Variants in MYOT observed in about 807,000 individuals in gnomAD.
The protein encoded by MYOT is 57 kDa cytoskeletal protein.
MYOT carries 36 observed loss-of-function variants against 58.0 expected under a neutral mutation model. The observed-to-expected ratio is 0.62, with a 90% CI of 0.48 to 0.82. The LOEUF (loss-of-function observed/expected upper bound fraction) is 0.82, where lower values mean the gene tolerates loss of function less well. MYOT is among the 40% of genes least tolerant of loss of function. The pLI, the probability that MYOT is intolerant of heterozygous loss-of-function variation, is 0.00. For missense variants in MYOT, 505 were observed against 592.1 expected (o/e 0.85, Z 1.53); for synonymous variants, 218 against 204.6 (o/e 1.07, Z -0.56).
intron 2 of MYOT, among the ~76,000 whole-genome samples, chr5:137,872,007 T>C (rs1157342978): frequency 6.6e-6 from 1 of 152,170 alleles, no homozygotes; most frequent in East Asian, 1.9e-4. Context: ...CTCCTATTAT[T>C]GGTGACAACT....
Position 137,886,062 on chromosome 5 carries a change from A to G in MYOT, c.1039A>G (p.Arg347Gly). 2 of 1,597,058 alleles carry G rather than the reference A, an allele frequency of 1.3e-6. No individual in the cohort carries two copies. The highest frequency in any genetic ancestry group is 1.7e-6 in the Non-Finnish European group (2 of 1,165,740). ...QLDVLAKEHK[R>G]APMFIYKPQS... is the part of the protein sequence containing the mutation. ...TTAATATATAGCAAAAGAACATAAAAGAGCACCAATGTTTATCTACAAACC... is the reference window on the plus strand; with the variant it reads ...TTAATATATAGCAAAAGAACATAAAGGAGCACCAATGTTTATCTACAAACC... The change falls in exon 8 of 10, where the codon AGA (arginine) becomes GGA (glycine). Residue 347 changes from arginine (R) to glycine (G), a missense_variant. Physicochemically the swap from Arg to Gly is moderately radical, Grantham distance 125. Coordinates refer to ENST00000239926, the MANE Select transcript of MYOT (RefSeq NM_006790.3).
intron 6 of MYOT, among the ~76,000 whole-genome samples, chr5:137,882,457 T>TA (rs1742632224): frequency 6.6e-6 from 1 of 152,098 alleles, no homozygotes; most frequent in Non-Finnish European, 1.5e-5. Flanking sequence ...ATGCCCTTTT[T>TA]TTTTTTTTTG....
At position 137,870,732 on chromosome 5, in the gene MYOT, A is replaced by G; in HGVS notation, c.81A>G (p.Glu27=). ...CGSRLQPPGP[E]TSSFSSQTKQ... ...CCAGATTGCAGCCTCCTGGACCAGA[A>G]ACCTCCAGCTTCTCTAGCCAGACCA... The change falls in exon 2 of 10, where the codon GAA becomes GAG. Residue 27 remains glutamate, a synonymous_variant. Coordinates refer to ENST00000239926, the MANE Select transcript of MYOT (RefSeq NM_006790.3). 1 of 1,614,204 alleles carries G rather than the reference A, an allele frequency of 6.2e-7. No individual in the cohort carries two copies. The highest frequency in any genetic ancestry group is 8.5e-7 in the Non-Finnish European group (1 of 1,180,030).
chr5:137,881,615 A>G (rs1347980961), intron 5 of MYOT, among the ~76,000 whole-genome samples: 4 of 152,204 alleles, frequency 2.6e-5, no homozygotes, highest in African/African-American at 9.6e-5. Context: ...TATAACTGAA[A>G]TACCACATCT....
chr5:137,876,376 C>T (rs1395688073), intron 3 of MYOT, among the ~76,000 whole-genome samples: 3 of 152,114 alleles, frequency 2.0e-5, no homozygotes, highest in Admixed American at 6.6e-5. Context: ...ATCATGTAGT[C>T]CTTATTGTGT....
At chr5:137,887,055 G>T in intron 9 of MYOT, 58 bp downstream of exon 9, 1 of 1,575,946 alleles carries the variant, frequency 6.3e-7, no homozygotes, top group Non-Finnish European at 8.7e-7. Context: ...GATTTAATAA[G>T]AAATGAAAAT....
rs536086255 is a variant in MYOT at position 137,871,422 on chromosome 5, C to T, written c.356+415C>T. ...TCTGCTCTTCTTCAGATAGGATTTC[C>T]TCTCACATAAGCAGAGGCTATTAAG... On this transcript the variant is annotated intron_variant, in intron 2 of 9. Coordinates refer to ENST00000239926, the MANE Select transcript of MYOT (RefSeq NM_006790.3). Among the ~76,000 whole-genome samples the T allele has an allele frequency of 6.7e-4, 102 of 152,274 alleles. 2 individuals carry two copies. Among genetic ancestry groups the T allele is most frequent in the Admixed American group, 6.6e-3 (101 of 15,300 alleles).
At chr5:137,883,276 C>T (rs768114748) in intron 6 of MYOT, 108 bp from the exon 7 acceptor site, 31 of 921,640 alleles carry the variant, frequency 3.4e-5, no homozygotes, top group Non-Finnish European at 4.3e-5. Context: ...GCATTTCAAT[C>T]GCAAACCCAC....
chr5:137,871,913 A>T (rs568618241), intron 2 of MYOT, among the ~76,000 whole-genome samples: 80 of 152,334 alleles, frequency 5.3e-4, no homozygotes, highest in African/African-American at 1.6e-3. Flanking sequence ...CTGATGGAAT[A>T]TGTTTTGTTG....
At chr5:137,876,621 A>G (rs1247153989) in intron 3 of MYOT, among the ~76,000 whole-genome samples, 1 of 152,082 alleles carries the variant, frequency 6.6e-6, no homozygotes. Flanking sequence ...CCAGACCAAT[A>G]TGGTGAAACT....
rs1355037004 is a variant in MYOT at position 137,877,053 on chromosome 5, GAAGAA to G, written c.532-462_532-458del. Among the ~76,000 whole-genome samples, 9 of 149,670 alleles carry G rather than the reference GAAGAA, an allele frequency of 6.0e-5. No homozygotes were observed. The South Asian group carries it at 1.7e-3, about 28-fold the overall frequency. On this transcript the variant is annotated intron_variant, in intron 3 of 9. Transcript: ENST00000239926. ...GAATAGAAGGAAAATGCTTTGAATGGAAGAAAAGACTTTAAAAAAAAAAAAATAGA... is the reference window on the plus strand; with the variant it reads ...GAATAGAAGGAAAATGCTTTGAATGGAAGACTTTAAAAAAAAAAAAATAGA...
chr5:137,887,493 A>C lies in MYOT; in HGVS notation c.*108A>C, dbSNP rs1351991409. On this transcript the variant is annotated 3_prime_UTR_variant, in exon 10 of 10. Transcript: ENST00000239926. ...GTATTAACAGATTATGGTTTTAATT[A>C]GGTAATATAGTTAATATATATTTAT... The C allele has an allele frequency of 3.3e-6, 3 of 901,570 alleles. No homozygotes were observed. The African/African-American group carries it at 5.1e-5, about 15-fold the overall frequency. The allele number at this position is 901,570 out of a possible 1,614,324, so 55.8% of individuals were successfully genotyped here.
At chr5:137,873,507 T>C (rs1450737199) in intron 2 of MYOT, among the ~76,000 whole-genome samples, 1 of 151,720 alleles carries the variant, frequency 6.6e-6, no homozygotes, top group Non-Finnish European at 1.5e-5. Context: ...GTCCATGCCA[T>C]TGCACTCCAG....
At chr5:137,869,536 C>T (rs575048615) in intron 1 of MYOT, among the ~76,000 whole-genome samples, 1 of 152,190 alleles carries the variant, frequency 6.6e-6, no homozygotes, top group Admixed American at 6.5e-5. Flanking sequence ...CCTGTCTTTT[C>T]TTGGTAAGGT....
chr5:137,886,771 T>A, intron 8 of MYOT, 93 bp from the exon 9 acceptor site: 1 of 951,784 alleles, frequency 1.1e-6, no homozygotes, highest in Non-Finnish European at 1.6e-6. Context: ...AATTTTCAAA[T>A]GTTTTTTTCT....
intron 5 of MYOT, among the ~76,000 whole-genome samples, chr5:137,881,460 T>G (rs1219836743): frequency 2.0e-5 from 3 of 151,492 alleles, no homozygotes; most frequent in Non-Finnish European, 4.4e-5. Context: ...AGGTCAGGAG[T>G]TCAAGACCAG....
chr5:137,879,574 G>C (rs1000182750), intron 4 of MYOT, among the ~76,000 whole-genome samples: 1 of 141,902 alleles, frequency 7.0e-6, no homozygotes, highest in Non-Finnish European at 1.5e-5. Context: ...ACCCAGGCTG[G>C]AGTACAATGG....
At chr5:137,869,061 T>C (rs775928842) in intron 1 of MYOT, among the ~76,000 whole-genome samples, 1 of 151,160 alleles carries the variant, frequency 6.6e-6, no homozygotes, top group Non-Finnish European at 1.5e-5. Context: ...TAGGCAACTT[T>C]GAAATACTAT....
At chr5:137,879,429 G>C (rs755056777) in intron 4 of MYOT, among the ~76,000 whole-genome samples, 2 of 151,654 alleles carry the variant, frequency 1.3e-5, no homozygotes, top group African/African-American at 2.4e-5. Context: ...TCTGCACTTG[G>C]TATGGAAGAT....
Sources: gnomAD v4.1 joint callset for allele counts (sites outside exome capture counted in the v4.1 genomes callset) on GRCh38, gnomAD v4.1.1 for gene constraint, MANE v1.5 for transcripts, NCBI Gene and HGNC (gene_info 2026-07-23, HGNC 2026-07-21) for gene names.